ACTN1: variants seen among roughly 807,000 people sequenced by gnomAD.
ACTN1 encodes the protein actinin alpha 1.
In ACTN1, 30 loss-of-function variants were observed where a neutral mutation model predicts 119.6. That is an observed-to-expected ratio of 0.25 (90% confidence interval 0.19 to 0.34). The LOEUF (loss-of-function observed/expected upper bound fraction) is 0.34, where lower values mean the gene tolerates loss of function less well. ACTN1 is among the 10% of genes least tolerant of loss of function. The probability of loss-of-function intolerance (pLI) is 1.00; values close to 1 mark genes in which losing one functional copy is unlikely to be tolerated. For synonymous variants in ACTN1, 429 were observed against 472.6 expected (o/e 0.91, Z 1.20); for missense variants, 764 against 1,223.4 (o/e 0.62, Z 5.60).
Position 68,879,914 on chromosome 14 carries a change from G to T in ACTN1, c.2280+48C>A. On this transcript the variant is annotated intron_variant, in intron 18 of 21. Coordinates refer to ENST00000394419, the MANE Select transcript of ACTN1 (RefSeq NM_001130004.2). The surrounding 1 kb of genome is among the most constrained non-coding windows in gnomAD (Gnocchi z 4.9). ...GGGGAAGTGCCCTCCAGGGCCCTGGGGCAGGGGTTGGGGGCTGCACTAAGA... is the reference window on the plus strand; with the variant it reads ...GGGGAAGTGCCCTCCAGGGCCCTGGTGCAGGGGTTGGGGGCTGCACTAAGA... 1 of 1,600,730 alleles carries T rather than the reference G, an allele frequency of 6.2e-7. No homozygotes were observed. The highest frequency in any genetic ancestry group is 8.5e-7 in the Non-Finnish European group (1 of 1,170,346).
Position 68,877,088 on chromosome 14 carries a change from C to G in ACTN1, c.2580G>C (p.Gly860=). The part of the protein sequence containing the change: ...QVMASFKILA[G]DKNYITMDEL... ...CCACCCATAGGACACCCACCTTGTCCCCAGCCAGGATCTTGAAGGAAGCCA... is the reference window on the plus strand; with the variant it reads ...CCACCCATAGGACACCCACCTTGTCGCCAGCCAGGATCTTGAAGGAAGCCA... Residue 860 remains glycine, a synonymous_variant, in exon 21 of 22, where the codon GGG becomes GGC. Transcript: ENST00000394419. 1 of 1,614,040 alleles carries G rather than the reference C, an allele frequency of 6.2e-7. No homozygotes were observed. Among genetic ancestry groups the G allele is most frequent in the Non-Finnish European group, 8.5e-7 (1 of 1,179,964 alleles).
At chr14:68,969,094 T>A (rs2036796736) in intron 1 of ACTN1, among the ~76,000 whole-genome samples, 1 of 152,232 alleles carries the variant, frequency 6.6e-6, no homozygotes. Context: ...GCCCACTATA[T>A]AACTGAGACC....
At chr14:68,940,456 T>C (rs1200778792) in intron 1 of ACTN1, among the ~76,000 whole-genome samples, 1 of 152,124 alleles carries the variant, frequency 6.6e-6, no homozygotes, top group Non-Finnish European at 1.5e-5. Flanking sequence ...TCCATGGTCT[T>C]ATCTGTGGAA....
intron 8 of ACTN1, among the ~76,000 whole-genome samples, chr14:68,899,042 C>CCACACCTCACACCACACACACCT (rs2033092686): frequency 7.4e-6 from 1 of 134,836 alleles, no homozygotes; most frequent in Non-Finnish European, 1.6e-5. Flanking sequence ...CACACACATG[C>CCACACCTCACACCACACACACCT]CACACCTCAC....
chr14:68,951,951 G>A (rs971527584), intron 1 of ACTN1, among the ~76,000 whole-genome samples: 7 of 152,198 alleles, frequency 4.6e-5, no homozygotes, highest in South Asian at 2.1e-4. Context: ...CTTCCCATTG[G>A]GTCTGAAGAT....
chr14:68,978,308 C>T (rs1183314604), intron 1 of ACTN1: 4 of 420,532 alleles, frequency 9.5e-6, no homozygotes, highest in Middle Eastern at 6.9e-4. Flanking sequence ...AAACGGTCTG[C>T]TGTCCTGACC....
chr14:68,977,274 A>T (rs1048744127), intron 1 of ACTN1: 3 of 152,292 alleles, frequency 2.0e-5, no homozygotes, highest in African/African-American at 7.2e-5. Context: ...AGGGATCTCC[A>T]AATTACTCAC....
At chr14:68,893,059 GA>G (rs1256996392) in intron 9 of ACTN1, among the ~76,000 whole-genome samples, 1 of 152,178 alleles carries the variant, frequency 6.6e-6, no homozygotes, top group Non-Finnish European at 1.5e-5. Context: ...TTGGGCTCCA[GA>G]ACCTGCGTTC....
intron 1 of ACTN1, among the ~76,000 whole-genome samples, chr14:68,941,649 G>A (rs768403543): frequency 6.6e-6 from 1 of 151,106 alleles, no homozygotes; most frequent in Non-Finnish European, 1.5e-5. Flanking sequence ...CACACCCTAA[G>A]TAGTTAATAG....
intron 1 of ACTN1, among the ~76,000 whole-genome samples, chr14:68,974,535 A>C (rs1594890565): frequency 6.6e-6 from 1 of 150,860 alleles, no homozygotes; most frequent in Non-Finnish European, 1.5e-5. Flanking sequence ...CCCTCTCCCC[A>C]CCTCTGTCCT....
chr14:68,920,953 C>G, intron 3 of ACTN1, 53 bp downstream of exon 3: 1 of 1,604,074 alleles, frequency 6.2e-7, no homozygotes. Context: ...GCCAAGAGAA[C>G]CAGGGGGACA....
chr14:68,921,721 G>C (rs2034663430), intron 2 of ACTN1, among the ~76,000 whole-genome samples: 1 of 152,140 alleles, frequency 6.6e-6, no homozygotes, highest in Non-Finnish European at 1.5e-5. Context: ...TGGGAGGAGG[G>C]TATAGGTCAC....
At chr14:68,914,376 C>T (rs2034173795) in intron 3 of ACTN1, among the ~76,000 whole-genome samples, 1 of 152,112 alleles carries the variant, frequency 6.6e-6, no homozygotes. Flanking sequence ...AATCATAAAA[C>T]ATGAAATACA....
At chr14:68,965,921 T>TAA (rs2140642786) in intron 1 of ACTN1, among the ~76,000 whole-genome samples, 1 of 152,300 alleles carries the variant, frequency 6.6e-6, no homozygotes, top group East Asian at 1.9e-4. Context: ...AGGTCACCTT[T>TAA]AGAAGTGCCT....
intron 8 of ACTN1, among the ~76,000 whole-genome samples, chr14:68,898,352 C>T (rs2033024916): frequency 6.6e-6 from 1 of 152,210 alleles, no homozygotes; most frequent in African/African-American, 2.4e-5. Flanking sequence ...GCAGTTGGTC[C>T]TCATCTAATG....
At chr14:68,919,378 C>G (rs944071497) in intron 3 of ACTN1, among the ~76,000 whole-genome samples, 1 of 152,224 alleles carries the variant, frequency 6.6e-6, no homozygotes, top group Non-Finnish European at 1.5e-5. Flanking sequence ...CTGCACTAAC[C>G]ACCTGGGTGA....
At position 68,874,756 on chromosome 14, in the gene ACTN1, G is replaced by C. The variant is rs773076904; in HGVS notation, c.*103C>G. The C allele has an allele frequency of 8.0e-7, 1 of 1,255,320 alleles. No individual in the cohort carries two copies. Among genetic ancestry groups the C allele is most frequent in the African/African-American group, 1.5e-5 (1 of 65,928 alleles). 77.8% of individuals were successfully genotyped at this position (1,255,320 alleles called of 1,614,324 possible). A position where few individuals can be genotyped will look rare whatever the true frequency, so the allele number is the denominator to read the frequency against. ...GCCACGTGGGCCCCAGCTCACCCGG[G>C]TGGAGGCTGGGAGCTGAAACCGAAC... On this transcript the variant is annotated 3_prime_UTR_variant, in exon 22 of 22. Transcript: ENST00000394419.
chr14:68,923,948 G>T (rs1284122873), intron 2 of ACTN1, among the ~76,000 whole-genome samples: 1 of 152,218 alleles, frequency 6.6e-6, no homozygotes, highest in Non-Finnish European at 1.5e-5. Flanking sequence ...AAAAAGGAAA[G>T]GGATGGCGGC....
Position 68,879,282 on chromosome 14 carries a change from G to T in ACTN1, c.2281-213C>A, listed in dbSNP as rs552368880. ...AGGGGGTGCCCTCCCCCCAGCACAC[G>T]CAGCCCTGCTCCAGGGAGCAGGACC... On this transcript the variant is annotated intron_variant, in intron 18 of 21. Transcript: ENST00000394419. This position sits in a 1 kb window ranked among gnomAD's most constrained non-coding sequence, Gnocchi z 4.9. Among the ~76,000 whole-genome samples, 18 of 152,028 alleles carry T rather than the reference G, an allele frequency of 1.2e-4. No individual in the cohort carries two copies. The highest frequency in any genetic ancestry group is 4.3e-4 in the African/African-American group (18 of 41,384).
Sources: gnomAD v4.1 joint callset for allele counts (sites outside exome capture counted in the v4.1 genomes callset) on GRCh38, gnomAD v4.1.1 for gene constraint, Gnocchi (gnomAD v3.1) non-coding constraint, MANE v1.5 for transcripts, NCBI Gene and HGNC (gene_info 2026-07-23, HGNC 2026-07-21) for gene names.